Variants in GBF1 observed in about 807,000 individuals in gnomAD.
GBF1 encodes Golgi-specific brefeldin A-resistance guanine nucleotide exchange factor 1.
GBF1 carries 114 observed loss-of-function variants against 210.5 expected under a neutral mutation model. That is an observed-to-expected ratio of 0.54 (90% CI 0.47 to 0.63). The LOEUF (loss-of-function observed/expected upper bound fraction) is 0.63. Ranked by LOEUF, GBF1 falls within the 30% of genes least tolerant of loss-of-function variation. GBF1 has a pLI of 0.00. For missense variants in GBF1, 1,851 were observed against 2,357.7 expected (o/e 0.79, Z 4.45); for synonymous variants, 850 against 889.2 (o/e 0.96, Z 0.78).
chr10:102,365,646 C>T (rs762517392), intron 18 of GBF1, 47 bp downstream of exon 18: 12 of 1,505,220 alleles, frequency 8.0e-6, no homozygotes, highest in South Asian at 2.3e-5. Context: ...TATGGTGGCT[C>T]ATGCCTGTAA....
the GBF1 span, among the ~76,000 whole-genome samples, chr10:102,238,814 T>C: frequency 3.3e-5 from 5 of 152,190 alleles, no homozygotes; most frequent in Non-Finnish European, 7.3e-5. Context: ...TTCTGCTCTT[T>C]CCATGCCTCA....
rs770657956 is a variant in GBF1, at chr10:102,367,089, G to T, written c.2438G>T (p.Cys813Phe). 1.2e-6 allele frequency: 2 copies of T among 1,613,972 alleles called. No individual in the cohort carries two copies. The highest frequency in any genetic ancestry group is 2.2e-5 in the South Asian group (2 of 91,082). The change falls in exon 20 of 40, where the codon TGT becomes TTT. Residue 813 changes from cysteine (C) to phenylalanine (F), a missense_variant. Coordinates refer to ENST00000369983, the MANE Select transcript of GBF1 (RefSeq NM_001377137.1). ...GCGGGATCTTTGCTTTTTCAGAATT[G>T]TAATGGCTCCCCATTTGCCAATAGC... is the stretch of plus-strand genomic sequence containing the variant. ...LEAFTERWMNCNGSPFANSDA... is the reference protein window; with the variant it reads ...LEAFTERWMNFNGSPFANSDA...
intron 3 of GBF1, among the ~76,000 whole-genome samples, chr10:102,284,786 A>C (rs1353740988): frequency 6.6e-6 from 1 of 152,068 alleles, no homozygotes; most frequent in African/African-American, 2.4e-5. Context: ...CTAGGACTGG[A>C]ATTGCTGGGT....
At chr10:102,319,515 C>T (rs953895717) in intron 3 of GBF1, among the ~76,000 whole-genome samples, 2 of 152,106 alleles carry the variant, frequency 1.3e-5, no homozygotes, top group African/African-American at 4.8e-5. Flanking sequence ...TATTTTTCCA[C>T]GTGGTCAAAC....
chr10:102,374,996 C>T (rs1421915293), intron 29 of GBF1, among the ~76,000 whole-genome samples: 1 of 151,566 alleles, frequency 6.6e-6, no homozygotes, highest in East Asian at 1.9e-4. Context: ...CATAGCGAGA[C>T]CCCATCTTTC....
chr10:102,379,746 C>A, intron 35 of GBF1, 95 bp downstream of exon 35: 1 of 1,488,482 alleles, frequency 6.7e-7, no homozygotes. Flanking sequence ...CTTCAGCCTG[C>A]ATCATACCTT....
chr10:102,238,615 CATA>C, the GBF1 span, among the ~76,000 whole-genome samples: 2 of 152,216 alleles, frequency 1.3e-5, no homozygotes, highest in African/African-American at 4.8e-5. Context: ...GCAGCTTGGG[CATA>C]ATAATAGCAG....
intron 3 of GBF1, among the ~76,000 whole-genome samples, chr10:102,293,764 GTTTTGTGTTTTTTTTTTTT>G (rs2076653705): frequency 2.0e-5 from 1 of 50,888 alleles, no homozygotes. Context: ...GCTGTAGTAT[GTTTTGTGTTTTTTTTTTTT>G]TTTTTTTTTT....
At chr10:102,232,148 C>T in the GBF1 span, 54 of 982,388 alleles carry the variant, frequency 5.5e-5, no homozygotes, top group Admixed American at 1.1e-3. Flanking sequence ...TCCGGCTTAG[C>T]TAGGTCCCAG....
chr10:102,350,959 C>A (rs557357247), intron 4 of GBF1, among the ~76,000 whole-genome samples: 1 of 151,696 alleles, frequency 6.6e-6, no homozygotes, highest in African/African-American at 2.4e-5. Context: ...TGGTGGTGGG[C>A]GCCTGTAATG....
intron 3 of GBF1, among the ~76,000 whole-genome samples, chr10:102,293,014 A>G (rs1224062944): frequency 6.6e-6 from 1 of 152,136 alleles, no homozygotes; most frequent in Non-Finnish European, 1.5e-5. Flanking sequence ...TAAATTTTCA[A>G]TCATTCTTAA....
In GBF1 at chr10:102,368,273, G is replaced by A. The variant is rs1373973440; in HGVS notation, c.2698G>A (p.Val900Met). 1 of 1,614,196 alleles carries A rather than the reference G, an allele frequency of 6.2e-7. No individual in the cohort carries two copies. The highest frequency in any genetic ancestry group is 1.1e-5 in the South Asian group (1 of 91,082). The change falls in exon 22 of 40, where the codon GTG becomes ATG. Residue 900 changes from valine (V) to methionine (M), a missense_variant. This residue lies in a region of GBF1 where 967 missense variants were observed against 1,247.7 expected (regional missense o/e 0.78). Transcript: ENST00000369983. ...EQTGLVRENY[V>M]WNVLLHRGAT... is the part of the protein sequence containing the mutation. ...GACAGGCTTGGTTCGGGAGAACTAT[G>A]TGTGGAATGTGCTGCTTCATCGAGG...
chr10:102,380,186 C>A, intron 36 of GBF1, 63 bp from the exon 37 acceptor site: 4 of 1,069,754 alleles, frequency 3.7e-6, no homozygotes, highest in South Asian at 1.3e-5. Context: ...AGCTACCCAG[C>A]CTCAGAGAGG....
chr10:102,264,902 A>T (rs1313376578), intron 3 of GBF1, among the ~76,000 whole-genome samples: 1 of 152,190 alleles, frequency 6.6e-6, no homozygotes, highest in Non-Finnish European at 1.5e-5. Flanking sequence ...TCTCTCTTAC[A>T]TCTGCCCAAG....
chr10:102,336,535 A>G (rs1024083376), intron 3 of GBF1, among the ~76,000 whole-genome samples: 1 of 152,134 alleles, frequency 6.6e-6, no homozygotes, highest in African/African-American at 2.4e-5. Context: ...GTTAGTTGCT[A>G]TTATTATTTA....
intron 38 of GBF1, 74 bp downstream of exon 38, chr10:102,380,760 C>T: frequency 3.1e-6 from 4 of 1,283,686 alleles, no homozygotes; most frequent in Non-Finnish European, 4.3e-6. Context: ...CTAATCCCAG[C>T]ACTTTGAGAG....
intron 1 of GBF1, among the ~76,000 whole-genome samples, chr10:102,250,965 A>C (rs775117964): frequency 6.0e-5 from 9 of 151,202 alleles, no homozygotes; most frequent in Non-Finnish European, 1.2e-4. Context: ...CTCAAAACAA[A>C]CAACCAAACA....
intron 26 of GBF1, 42 bp from the exon 27 acceptor site, chr10:102,370,132 C>A: frequency 6.5e-7 from 1 of 1,538,250 alleles, no homozygotes; most frequent in Non-Finnish European, 9.0e-7. Flanking sequence ...CTGTTCTCTT[C>A]AGCCTTTGTC....
At chr10:102,331,211 T>C (rs1339109860) in intron 3 of GBF1, among the ~76,000 whole-genome samples, 3 of 152,120 alleles carry the variant, frequency 2.0e-5, no homozygotes, top group Non-Finnish European at 4.4e-5. Flanking sequence ...AGAGCATATA[T>C]AGATGGCAAA....
Sources: allele counts gnomAD v4.1 joint callset (sites outside exome capture counted in the v4.1 genomes callset), GRCh38; gene constraint gnomAD v4.1.1; regional missense constraint gnomAD v4.1.1; transcripts MANE v1.5; gene names NCBI Gene and HGNC (gene_info 2026-07-23, HGNC 2026-07-21).